CACNA1A: variants seen among roughly 807,000 people sequenced by gnomAD.
The protein encoded by CACNA1A is voltage-dependent P/Q-type calcium channel subunit alpha-1A.
Under a neutral mutation model 262.4 loss-of-function variants are expected in CACNA1A, and 57 were observed. The ratio of observed to expected loss-of-function variants is 0.22; its 90% CI spans 0.18 to 0.27. The LOEUF (loss-of-function observed/expected upper bound fraction) is 0.27, where lower values mean the gene tolerates loss of function less well. CACNA1A is among the 10% of genes least tolerant of loss of function. CACNA1A has a pLI of 1.00. For missense variants in CACNA1A, 2,526 were observed against 3,562.8 expected, an observed-to-expected ratio of 0.71 and a Z score of 7.41; for synonymous variants, 1,431 against 1,419.3, an observed-to-expected ratio of 1.01 and a Z score of -0.18.
At chr19:13,429,527 C>T (rs1479324176) in intron 3 of CACNA1A, among the ~76,000 whole-genome samples, 7 of 113,708 alleles carry the variant, frequency 6.2e-5, no homozygotes, top group East Asian at 5.3e-4. Context: ...AGTTTCAAAG[C>T]GTCCAAAAAA....
Position 13,492,598 on chromosome 19 carries a change from A to G in CACNA1A, c.293+13334T>C, listed in dbSNP as rs903514017. 3.9e-5 allele frequency among the ~76,000 whole-genome samples: 6 copies of G among 152,168 alleles called. No individual in the cohort carries two copies. The South Asian group carries it at 1.2e-3, about 32-fold the overall frequency. ...CTACCAGGATGCTCACTGCAGTGTGATCAGTGTTGGTGGAAAAACGGCTGG... is the reference window on the plus strand; with the variant it reads ...CTACCAGGATGCTCACTGCAGTGTGGTCAGTGTTGGTGGAAAAACGGCTGG... On this transcript the variant is annotated intron_variant, in intron 1 of 46. Coordinates refer to ENST00000360228, the MANE Select transcript of CACNA1A (RefSeq NM_001127222.2).
chr19:13,410,976 C>T (rs77820317), intron 3 of CACNA1A, among the ~76,000 whole-genome samples: 2,008 of 152,248 alleles, frequency 0.013, 55 homozygotes, highest in African/African-American at 0.046. Context: ...TCTCCTGCAT[C>T]TATGCCCTTA....
rs77062875 is a variant in CACNA1A at position 13,412,974 on chromosome 19, G to A, written c.539+39902C>T. On this transcript the variant is annotated intron_variant, in intron 3 of 46. Transcript: ENST00000360228. Reference sequence around the variant, plus strand: ...AAGTTCAGAAAGTGGGTTAGGACCAGGTGTGGGGGCTCACGCCTGTAATCC... The same window carrying A: ...AAGTTCAGAAAGTGGGTTAGGACCAAGTGTGGGGGCTCACGCCTGTAATCC... Among the ~76,000 whole-genome samples, 573 of 152,302 alleles carry A rather than the reference G, an allele frequency of 3.8e-3. 5 individuals carry two copies. The highest frequency in any genetic ancestry group is 0.013 in the African/African-American group (527 of 41,564).
At chr19:13,300,720 C>T in intron 17 of CACNA1A, 64 bp from the exon 18 acceptor site, 1 of 1,316,784 alleles carries the variant, frequency 7.6e-7, no homozygotes, top group Non-Finnish European at 1.1e-6. Flanking sequence ...TCACTTCTGA[C>T]CCTGTTGCTG....
At chr19:13,327,580 T>G (rs1412828514) in intron 10 of CACNA1A, among the ~76,000 whole-genome samples, 1 of 151,340 alleles carries the variant, frequency 6.6e-6, no homozygotes, top group African/African-American at 2.4e-5. Flanking sequence ...ATATGCAGAT[T>G]TTTTATTTTT....
At chr19:13,227,705 T>A in intron 36 of CACNA1A, 178 bp from the exon 37 acceptor site, 1 of 340,798 alleles carries the variant, frequency 2.9e-6, no homozygotes, top group South Asian at 1.1e-4. Context: ...ATATTTCAAA[T>A]CAATGGAAAA....
chr19:13,420,498 G>A (rs532669649), intron 3 of CACNA1A, among the ~76,000 whole-genome samples: 2 of 152,180 alleles, frequency 1.3e-5, no homozygotes, highest in African/African-American at 4.8e-5. Context: ...AAAGGACATA[G>A]ACACACAGAG....
In CACNA1A at chr19:13,427,545, G is replaced by A. The variant is rs139552621; in HGVS notation, c.539+25331C>T. Reference sequence around the variant, plus strand: ...AAGCTGGAATGCAGGGTCCAGGGCCGTCCCAAATTTGCAACCCTAGAGTCT... The same window carrying A: ...AAGCTGGAATGCAGGGTCCAGGGCCATCCCAAATTTGCAACCCTAGAGTCT... On this transcript the variant is annotated intron_variant, in intron 3 of 46. Transcript: ENST00000360228. 3.0e-3 allele frequency among the ~76,000 whole-genome samples: 463 copies of A among 152,184 alleles called. 2 individuals carry two copies. The highest frequency in any genetic ancestry group is 0.011 in the African/African-American group (439 of 41,514).
At chr19:13,297,892 T>TCTCAG (rs1422053936) in intron 19 of CACNA1A, among the ~76,000 whole-genome samples, 1 of 151,708 alleles carries the variant, frequency 6.6e-6, no homozygotes, top group African/African-American at 2.4e-5. Flanking sequence ...GATGGCACGA[T>TCTCAG]CTCAGCTCAC....
In CACNA1A at chr19:13,293,614, A is replaced by ATT. The variant is rs200663204; in HGVS notation, c.3089+4928_3089+4929dup. Among the ~76,000 whole-genome samples, 162 of 137,926 alleles carry ATT rather than the reference A, an allele frequency of 1.2e-3. 1 individual carries two copies. The highest frequency in any genetic ancestry group is 2.5e-3 in the African/African-American group (94 of 37,362). 90.5% of individuals were successfully genotyped at this position (137,926 alleles called of 152,430 possible). On this transcript the variant is annotated intron_variant, in intron 19 of 46. Transcript: ENST00000360228. Reference sequence around the variant, plus strand: ...GGCGTGCACCACCTACGCCCGGCTAATTTTTTTTTTTTTTGGTATTTTTAG... The same window carrying ATT: ...GGCGTGCACCACCTACGCCCGGCTAATTTTTTTTTTTTTTTTGGTATTTTTAG...
At position 13,277,095 on chromosome 19, in the gene CACNA1A, C is replaced by A; in HGVS notation, c.3856G>T (p.Val1286Phe). 6.2e-7 allele frequency: 1 copy of A among 1,612,226 alleles called. No individual in the cohort carries two copies. Among genetic ancestry groups the A allele is most frequent in the African/African-American group, 1.3e-5 (1 of 74,972 alleles). The change falls in exon 23 of 47, where the codon GTC (valine) becomes TTC (phenylalanine). Residue 1286 changes from valine to phenylalanine, a missense_variant. Physicochemically the swap from Val to Phe is conservative, Grantham distance 50. Coordinates refer to ENST00000360228, the MANE Select transcript of CACNA1A (RefSeq NM_001127222.2). ...LRYFDYVFTG[V>F]FTFEMVIKMI... The stretch of plus-strand genomic sequence containing the variant: ...TTGATCACCATCTCAAAGGTAAAGA[C>A]GCCTGTAAAAACGTAGTCAAAGTAT...
intron 10 of CACNA1A, among the ~76,000 whole-genome samples, chr19:13,322,277 G>A (rs2058271760): frequency 1.3e-5 from 2 of 151,806 alleles, no homozygotes; most frequent in African/African-American, 4.8e-5. Context: ...GCAGAGACTG[G>A]AATTATGCAT....
intron 8 of CACNA1A, chr19:13,333,582 G>A (rs2058504634): frequency 2.6e-5 from 4 of 152,332 alleles, no homozygotes; most frequent in Admixed American, 2.0e-4. Flanking sequence ...TTACAGGCGT[G>A]CGCCACCATG....
intron 6 of CACNA1A, 78 bp from the exon 7 acceptor site, chr19:13,335,987 G>C: frequency 4.9e-6 from 4 of 818,538 alleles, no homozygotes; most frequent in African/African-American, 1.7e-5. Flanking sequence ...GGAAGGGGAA[G>C]CTCGGTTCTC....
At position 13,218,284 on chromosome 19, in the gene CACNA1A, G is replaced by A. The variant is rs556015361; in HGVS notation, c.5732-3676C>T. Among the ~76,000 whole-genome samples, 19 of 152,210 alleles carry A rather than the reference G, an allele frequency of 1.2e-4. No homozygotes were observed. In the South Asian group the frequency reaches 3.3e-3, roughly 27 times the overall value. On this transcript the variant is annotated intron_variant, in intron 38 of 46. Coordinates refer to ENST00000360228, the MANE Select transcript of CACNA1A (RefSeq NM_001127222.2). ...TTTCCATACAGTTCATTCTAACAAT[G>A]CGATTTATCGTTGGGGTCTTGGGCC...
intron 1 of CACNA1A, among the ~76,000 whole-genome samples, chr19:13,500,124 C>A (rs1013516778): frequency 1.3e-4 from 20 of 152,212 alleles, no homozygotes; most frequent in Non-Finnish European, 2.4e-4. Context: ...AGTCTCTCAA[C>A]CCCCTGCAAC....
chr19:13,426,347 C>T (rs1490900658), intron 3 of CACNA1A, among the ~76,000 whole-genome samples: 1 of 152,046 alleles, frequency 6.6e-6, no homozygotes, highest in African/African-American at 2.4e-5. Context: ...CAAGTGGGGG[C>T]GTTTCTACCC....
Position 13,303,626 on chromosome 19 carries a change from G to A in CACNA1A, c.2105-13C>T, listed in dbSNP as rs1216442730. 6 of 1,611,952 alleles carry A rather than the reference G, an allele frequency of 3.7e-6. No individual in the cohort carries two copies. Among genetic ancestry groups the A allele is most frequent in the Non-Finnish European group, 5.1e-6 (6 of 1,178,752 alleles). On this transcript the variant is annotated splice_polypyrimidine_tract_variant and intron_variant, in intron 16 of 46. Coordinates refer to ENST00000360228, the MANE Select transcript of CACNA1A (RefSeq NM_001127222.2). ...TTCAGGAGGGTGTCTGCAAATGTCT[G>A]AGTCAGGAAAAGCAACCACTGGTGG... is the stretch of plus-strand genomic sequence containing the variant.
intron 19 of CACNA1A, among the ~76,000 whole-genome samples, chr19:13,291,036 C>T (rs79033425): frequency 0.047 from 7,116 of 152,148 alleles, 248 homozygotes; most frequent in East Asian, 0.12. Context: ...TATCAATTTC[C>T]GGGAGGTTTC....
Sources: allele counts gnomAD v4.1 joint callset (sites outside exome capture counted in the v4.1 genomes callset), GRCh38; gene constraint gnomAD v4.1.1; transcripts MANE v1.5; gene names NCBI Gene and HGNC (gene_info 2026-07-23, HGNC 2026-07-21).